The following HEATR4 variants were observed in gnomAD, a reference collection of about 807,000 sequenced individuals.
HEATR4 encodes the protein HEAT repeat containing 4.
Under a neutral mutation model 108.8 loss-of-function variants are expected in HEATR4, and 95 were observed. That is an observed-to-expected ratio of 0.87 (90% CI 0.74 to 1.04). The LOEUF is 1.04. HEATR4 is among the 50% of genes least tolerant of loss of function. HEATR4 has a pLI of 0.00. For missense variants in HEATR4, 1,152 were observed against 1,253.8 expected, an observed-to-expected ratio of 0.92 and a Z score of 1.23; for synonymous variants, 443 against 459.4, an observed-to-expected ratio of 0.96 and a Z score of 0.46.
At chr14:73,612,722 C>A in the HEATR4 span, 2 of 1,370,450 alleles carry the variant, frequency 1.5e-6, no homozygotes, top group Middle Eastern at 2.6e-4. Flanking sequence ...GGCCCACGCG[C>A]GCTACCGTGC....
chr14:73,627,572 C>G, the HEATR4 span, among the ~76,000 whole-genome samples: 2 of 152,148 alleles, frequency 1.3e-5, no homozygotes, highest in Non-Finnish European at 2.9e-5. Context: ...ACAAGTGACA[C>G]CGATAAGGAG....
chr14:73,606,495 G>A, the HEATR4 span, among the ~76,000 whole-genome samples: 1 of 152,082 alleles, frequency 6.6e-6, no homozygotes, highest in Non-Finnish European at 1.5e-5. Flanking sequence ...TTTCTCTATT[G>A]CAAATCTTGA....
the HEATR4 span, among the ~76,000 whole-genome samples, chr14:73,568,439 C>T: frequency 1.8e-4 from 27 of 151,628 alleles, no homozygotes; most frequent in African/African-American, 5.3e-4. Context: ...TCCGGTAGTC[C>T]TTTGAGGTAT....
At chr14:73,510,654 T>G (rs558984135) in intron 7 of HEATR4, among the ~76,000 whole-genome samples, 2 of 152,160 alleles carry the variant, frequency 1.3e-5, no homozygotes, top group African/African-American at 2.4e-5. Flanking sequence ...CAGGCTGGTC[T>G]TGAACCCTTG....
the HEATR4 span, among the ~76,000 whole-genome samples, chr14:73,600,264 T>A: frequency 6.6e-6 from 1 of 152,150 alleles, no homozygotes; most frequent in Non-Finnish European, 1.5e-5. Context: ...TGTGAGTTGT[T>A]CTCTGTAGCT....
rs747613225 is a variant in HEATR4 at position 73,519,171 on chromosome 14, C to G, written c.1070-8G>C. ...GGATGATCTGGACTTCATCTGTGAA[C>G]AGACAAAGAAACAATGAGTCCCCTA... On this transcript the variant is annotated splice_polypyrimidine_tract_variant and splice_region_variant and intron_variant, in intron 4 of 17. Coordinates refer to ENST00000553558, the MANE Select transcript of HEATR4 (RefSeq NM_001220484.1). 9 of 1,609,452 alleles carry G rather than the reference C, an allele frequency of 5.6e-6. No individual in the cohort carries two copies. The South Asian group carries it at 1.0e-4, about 18-fold the overall frequency.
intron 1 of HEATR4, chr14:73,542,940 A>G: frequency 1.8e-6 from 2 of 1,109,164 alleles, no homozygotes; most frequent in Non-Finnish European, 2.4e-6. Context: ...GGTAAATGGT[A>G]GAACCCAGAT....
chr14:73,623,846 C>T, the HEATR4 span, among the ~76,000 whole-genome samples: 2 of 151,990 alleles, frequency 1.3e-5, no homozygotes, highest in Admixed American at 6.6e-5. Flanking sequence ...ACTTCCTTCC[C>T]CTCTTTCCTG....
Position 73,522,833 on chromosome 14 carries a change from TG to T in HEATR4, c.319del (p.Gln107ArgfsTer22). ...YNTNDIIHTPQIRKARPQKPV... is the reference protein window; with the variant it reads ...YNTNDIIHTPXIRKARPQKPV... ...TTTCTGAGGCCGGGCCTTCCTGATC[TG>T]GGGAGTATGGATGATGTCATTGGTA... On this transcript the variant is annotated frameshift_variant, in exon 3 of 18. Coordinates refer to ENST00000553558, the MANE Select transcript of HEATR4 (RefSeq NM_001220484.1). LOFTEE classifies it high-confidence loss of function. 2 of 1,614,196 alleles carry T rather than the reference TG, an allele frequency of 1.2e-6. No individual in the cohort carries two copies. The highest frequency in any genetic ancestry group is 1.7e-6 in the Non-Finnish European group (2 of 1,180,040).
intron 2 of HEATR4, among the ~76,000 whole-genome samples, chr14:73,526,575 C>A (rs539554967): frequency 7.2e-5 from 11 of 151,988 alleles, no homozygotes; most frequent in Non-Finnish European, 1.5e-4. Context: ...AAGACAAAGT[C>A]CAGAAGACTT....
intron 2 of HEATR4, chr14:73,527,450 GA>G (rs577588986): frequency 6.6e-6 from 1 of 150,586 alleles, no homozygotes; most frequent in Non-Finnish European, 1.5e-5. Context: ...ATTTCAAAAA[GA>G]GATTGAAATA....
chr14:73,619,919 C>CA, the HEATR4 span: 20 of 1,174,576 alleles, frequency 1.7e-5, no homozygotes, highest in African/African-American at 3.2e-5. Flanking sequence ...TTTCTTTTCT[C>CA]TTTTTTTTTT....
At chr14:73,570,686 C>T in the HEATR4 span, among the ~76,000 whole-genome samples, 4 of 152,032 alleles carry the variant, frequency 2.6e-5, no homozygotes, top group Non-Finnish European at 5.9e-5. Context: ...CGGCGGATCA[C>T]CTGAGGTCAG....
chr14:73,578,982 G>A, the HEATR4 span, among the ~76,000 whole-genome samples: 6 of 151,710 alleles, frequency 4.0e-5, no homozygotes, highest in Admixed American at 1.3e-4. Context: ...CTACTCGGGA[G>A]GCTGAGGCAG....
chr14:73,509,691 C>CT (rs1887078713), intron 7 of HEATR4, among the ~76,000 whole-genome samples: 1 of 150,538 alleles, frequency 6.6e-6, no homozygotes, highest in Non-Finnish European at 1.5e-5. Context: ...ATTCCCAATC[C>CT]TTTATCATCT....
rs1566832336 is a variant in HEATR4, at chr14:73,509,862, ATATATATTTATT to A, written c.1559-401_1559-390del. ...TATATATATATATATATATATATATATATATATTTATTTATTTTATATATTTTTTGAGACGGA... is the reference window on the plus strand; with the variant it reads ...TATATATATATATATATATATATATATATTTTATATATTTTTTGAGACGGA... On this transcript the variant is annotated intron_variant, in intron 7 of 17. Transcript: ENST00000553558. Among the ~76,000 whole-genome samples, 257 of 63,170 alleles carry A rather than the reference ATATATATTTATT, an allele frequency of 4.1e-3. 19 individuals are homozygous for A. The highest frequency in any genetic ancestry group is 6.3e-3 in the Non-Finnish European group (198 of 31,334). 41.4% of individuals were successfully genotyped at this position (63,170 alleles called of 152,430 possible).
At chr14:73,626,364 C>T in the HEATR4 span, among the ~76,000 whole-genome samples, 1 of 152,162 alleles carries the variant, frequency 6.6e-6, no homozygotes, top group Non-Finnish European at 1.5e-5. Flanking sequence ...GCATGGAGTT[C>T]ACAAGCTGTA....
chr14:73,548,085 T>C lies in HEATR4; in HGVS notation c.-152+10666A>G, dbSNP rs1889263376. On this transcript the variant is annotated intron_variant, in intron 1 of 17. Coordinates refer to ENST00000553558, the MANE Select transcript of HEATR4 (RefSeq NM_001220484.1). Reference sequence around the variant, plus strand: ...CTGAGACTATAGGCACTTGCCACCATGCCCAGCTAATTTTTAATTTTTTGC... The same window carrying C: ...CTGAGACTATAGGCACTTGCCACCACGCCCAGCTAATTTTTAATTTTTTGC... 1.7e-5 allele frequency among the ~76,000 whole-genome samples: 2 copies of C among 114,534 alleles called. 1 individual carries two copies. The highest frequency in any genetic ancestry group is 3.8e-5 in the Non-Finnish European group (2 of 52,604). The allele number at this position is 114,534 out of a possible 152,430, so 75.1% of individuals were successfully genotyped here. A position where few individuals can be genotyped will look rare whatever the true frequency, so the allele number is the denominator to read the frequency against.
the HEATR4 span, chr14:73,592,113 T>C: frequency 6.5e-7 from 1 of 1,543,378 alleles, no homozygotes; most frequent in South Asian, 1.2e-5. Context: ...CCACGCGCGC[T>C]ACTGCGCCGA....
Sources: gnomAD v4.1 joint callset for allele counts (sites outside exome capture counted in the v4.1 genomes callset) on GRCh38, gnomAD v4.1.1 for gene constraint, MANE v1.5 for transcripts, NCBI Gene and HGNC (gene_info 2026-07-23, HGNC 2026-07-21) for gene names.